The following SCFD2 variants were observed in gnomAD, a reference collection of about 807,000 sequenced individuals.
SCFD2 encodes sec1 family domain-containing protein 2.
Under a neutral mutation model 58.9 loss-of-function variants are expected in SCFD2, and 54 were observed. That is an observed-to-expected ratio of 0.92 (90% CI 0.74 to 1.15). The LOEUF is 1.15. Ranked by LOEUF, SCFD2 falls within the 50% of genes most tolerant of loss-of-function variation. The pLI is 0.00. For missense variants in SCFD2, 805 were observed against 836.6 expected (o/e 0.96, Z 0.47); for synonymous variants, 321 against 335.9 (o/e 0.96, Z 0.49).
At chr4:53,221,017 T>C (rs1469337393) in intron 4 of SCFD2, among the ~76,000 whole-genome samples, 1 of 152,144 alleles carries the variant, frequency 6.6e-6, no homozygotes, top group Non-Finnish European at 1.5e-5. Context: ...TACTGGCAGA[T>C]AAGAAGGTAA....
chr4:52,908,077 A>G (rs765383025), intron 6 of SCFD2, among the ~76,000 whole-genome samples: 3 of 152,306 alleles, frequency 2.0e-5, no homozygotes, highest in South Asian at 2.1e-4. Context: ...TTCCTTCTAC[A>G]GAGCTCAATT....
intron 7 of SCFD2, among the ~76,000 whole-genome samples, chr4:52,896,964 T>C (rs990015115): frequency 7.9e-5 from 12 of 152,012 alleles, no homozygotes; most frequent in Non-Finnish European, 1.5e-4. Context: ...CTCTGTCTGT[T>C]ATTGGTGTAT....
intron 5 of SCFD2, among the ~76,000 whole-genome samples, chr4:52,971,984 C>G (rs1461735302): frequency 6.6e-6 from 1 of 152,160 alleles, no homozygotes; most frequent in Non-Finnish European, 1.5e-5. Flanking sequence ...TTTGTCACCA[C>G]CAGGCCTGCC....
chr4:53,027,626 G>A (rs1047040274), intron 5 of SCFD2, among the ~76,000 whole-genome samples: 5 of 152,076 alleles, frequency 3.3e-5, no homozygotes, highest in Admixed American at 1.3e-4. Flanking sequence ...CCAGGAGTTC[G>A]AGACCAGCCT....
chr4:53,091,366 TA>T (rs77318176), intron 5 of SCFD2, among the ~76,000 whole-genome samples: 446 of 145,592 alleles, frequency 3.1e-3, no homozygotes, highest in Non-Finnish European at 2.6e-3. Context: ...GAAACTAGGT[TA>T]AAAAAAAAAA....
rs369569810 is a variant in SCFD2 at position 53,036,737 on chromosome 4, A to C, written c.1561+108596T>G. 2.0e-4 allele frequency among the ~76,000 whole-genome samples: 30 copies of C among 152,180 alleles called. No homozygotes were observed. In the East Asian group the frequency reaches 4.1e-3, roughly 21 times the overall value. On this transcript the variant is annotated intron_variant, in intron 5 of 8. Transcript: ENST00000401642. The stretch of plus-strand genomic sequence containing the variant: ...AAGGATAACATTAGGAGAAATACCT[A>C]ATGTAGGTGACAGGTTGATGGGTGC...
Position 53,139,120 on chromosome 4 carries a change from C to T in SCFD2, c.1561+6213G>A, listed in dbSNP as rs140970132. Among the ~76,000 whole-genome samples the T allele has an allele frequency of 6.2e-3, 941 of 152,286 alleles. 13 individuals carry two copies. Among genetic ancestry groups the T allele is most frequent in the African/African-American group, 0.022 (911 of 41,574 alleles). Reference sequence around the variant, plus strand: ...TCCTGACCGCAAGTGATCTGCCAGCCTCGGCCTCCCGAGGTGCCGGGATTG... The same window carrying T: ...TCCTGACCGCAAGTGATCTGCCAGCTTCGGCCTCCCGAGGTGCCGGGATTG... On this transcript the variant is annotated intron_variant, in intron 5 of 8. Coordinates refer to ENST00000401642, the MANE Select transcript of SCFD2 (RefSeq NM_152540.4).
intron 2 of SCFD2, among the ~76,000 whole-genome samples, chr4:53,324,056 A>T (rs942417060): frequency 3.9e-5 from 6 of 152,170 alleles, no homozygotes; most frequent in African/African-American, 1.4e-4. Flanking sequence ...AACAACTTGC[A>T]CAAGGTTGAA....
intron 5 of SCFD2, among the ~76,000 whole-genome samples, chr4:52,995,605 T>A (rs1459257435): frequency 6.6e-6 from 1 of 152,246 alleles, no homozygotes; most frequent in Non-Finnish European, 1.5e-5. Flanking sequence ...TCCAAAAGCT[T>A]TCAATCTCCT....
At chr4:52,945,142 T>A (rs1248111377) in intron 5 of SCFD2, among the ~76,000 whole-genome samples, 1 of 152,158 alleles carries the variant, frequency 6.6e-6, no homozygotes, top group Admixed American at 6.6e-5. Context: ...TGTGAATACT[T>A]ACAAAAGAAT....
intron 5 of SCFD2, chr4:52,956,188 T>C (rs1001653206): frequency 2.2e-6 from 1 of 456,554 alleles, no homozygotes; most frequent in African/African-American, 2.0e-5. Flanking sequence ...AGAATGGTCA[T>C]CCCTGGAGCA....
intron 4 of SCFD2, among the ~76,000 whole-genome samples, chr4:53,199,645 C>G (rs1728165377): frequency 6.6e-6 from 1 of 151,988 alleles, no homozygotes; most frequent in Non-Finnish European, 1.5e-5. Flanking sequence ...AGATTGAGCT[C>G]TACAAAAACT....
At chr4:53,301,540 C>T (rs1732295441) in intron 3 of SCFD2, among the ~76,000 whole-genome samples, 1 of 152,266 alleles carries the variant, frequency 6.6e-6, no homozygotes, top group Non-Finnish European at 1.5e-5. Context: ...GAACTGGTAC[C>T]ATTCCTTCTG....
chr4:53,133,327 CAAAAAAAAAAAA>C (rs34787254), intron 5 of SCFD2, among the ~76,000 whole-genome samples: 2 of 83,236 alleles, frequency 2.4e-5, no homozygotes, highest in African/African-American at 8.8e-5. Context: ...GACTCCGTCT[CAAAAAAAAAAAA>C]AAAAAAAAAA....
intron 5 of SCFD2, among the ~76,000 whole-genome samples, chr4:53,133,702 G>C (rs1725859704): frequency 6.6e-6 from 1 of 152,200 alleles, no homozygotes; most frequent in Non-Finnish European, 1.5e-5. Flanking sequence ...GGAAACTAGA[G>C]CTAAAGACAT....
chr4:52,943,650 T>C (rs1359488318), intron 5 of SCFD2, among the ~76,000 whole-genome samples: 3 of 152,176 alleles, frequency 2.0e-5, no homozygotes, highest in Non-Finnish European at 2.9e-5. Flanking sequence ...TCCTCATTCA[T>C]AGGGGAGGAG....
intron 4 of SCFD2, among the ~76,000 whole-genome samples, chr4:53,214,934 G>C (rs970730360): frequency 6.6e-6 from 1 of 152,040 alleles, no homozygotes; most frequent in Admixed American, 6.6e-5. Context: ...GCTTGTTTTT[G>C]TCAGGTTTGT....
chr4:52,929,434 G>A (rs9996166), intron 5 of SCFD2, among the ~76,000 whole-genome samples: 7,259 of 152,266 alleles, frequency 0.048, 210 homozygotes, highest in South Asian at 0.12. Flanking sequence ...AGGAAAAAAT[G>A]TCAGCTGACA....
At chr4:52,893,193 T>TCTCTC (rs1413913326) in intron 7 of SCFD2, among the ~76,000 whole-genome samples, 2 of 151,998 alleles carry the variant, frequency 1.3e-5, no homozygotes, top group South Asian at 2.1e-4. Context: ...TGCTTTTTCT[T>TCTCTC]CTCTCCTCTC....
Sources: allele counts gnomAD v4.1 joint callset (sites outside exome capture counted in the v4.1 genomes callset), GRCh38; gene constraint gnomAD v4.1.1; transcripts MANE v1.5; gene names NCBI Gene and HGNC (gene_info 2026-07-23, HGNC 2026-07-21).